The following LSM6 variants were observed in gnomAD, a reference collection of about 807,000 sequenced individuals.
The protein encoded by LSM6 is LSM6 homolog, U6 small nuclear RNA and mRNA degradation associated, also known as U6 snRNA-associated Sm-like protein LSm6.
In LSM6, 2 loss-of-function variants were observed where a neutral mutation model predicts 13.5. The observed-to-expected ratio is 0.15, with a 90% CI of 0.06 to 0.47. The LOEUF is 0.47. LSM6 is among the 20% of genes least tolerant of loss of function. The pLI is 0.97. For missense variants in LSM6, 58 were observed against 96.4 expected, an observed-to-expected ratio of 0.60 and a Z score of 1.67; for synonymous variants, 43 against 34.9, an observed-to-expected ratio of 1.23 and a Z score of -0.82.
rs1193893131 is a variant in LSM6 at position 146,187,304 on chromosome 4, A to G, written c.125A>G (p.Asn42Ser). ...CTGGCTTGCCTGGATGGCTACATGA[A>G]TATAGCCCTGGAGCAGACAGAAGAA... Reference protein sequence around the residue: ...GVLACLDGYMNIALEQTEEYV... With the variant: ...GVLACLDGYMSIALEQTEEYV... Residue 42 changes from asparagine to serine, a missense_variant, in exon 3 of 4, where the codon AAT (asparagine) becomes AGT (serine). Asn to Ser is a conservative substitution (Grantham distance 46, BLOSUM62 1). Coordinates refer to ENST00000296581, the MANE Select transcript of LSM6 (RefSeq NM_007080.3). The G allele has an allele frequency of 6.2e-7, 1 of 1,613,546 alleles. No homozygotes were observed.
intron 1 of LSM6, 110 bp from the exon 2 acceptor site, chr4:146,182,802 G>A: frequency 1.5e-6 from 1 of 671,252 alleles, no homozygotes; most frequent in Non-Finnish European, 2.7e-6. Context: ...CTTCTCGCAT[G>A]GTCCTTTGAT....
chr4:146,185,328 A>G (rs879334009), intron 2 of LSM6, among the ~76,000 whole-genome samples: 1 of 152,114 alleles, frequency 6.6e-6, no homozygotes, highest in Non-Finnish European at 1.5e-5. Context: ...TTCTTTGTTT[A>G]CTAGTGAGAT....
intron 3 of LSM6, among the ~76,000 whole-genome samples, chr4:146,189,227 A>G (rs1475001508): frequency 6.6e-6 from 1 of 152,186 alleles, no homozygotes; most frequent in Admixed American, 6.5e-5. Context: ...TTCTGAGCTC[A>G]AGTGATCCAC....
chr4:146,179,725 A>G (rs1259185347), intron 1 of LSM6, among the ~76,000 whole-genome samples: 1 of 152,212 alleles, frequency 6.6e-6, no homozygotes. Flanking sequence ...ATCAAATGCC[A>G]AACTATGTGA....
chr4:146,183,219 A>G (rs573641000), intron 2 of LSM6: 93 of 442,032 alleles, frequency 2.1e-4, no homozygotes, highest in African/African-American at 1.6e-3. Flanking sequence ...TCTGCCTTTC[A>G]GTGTGATTTG....
chr4:146,182,587 T>TAATGTAATAGTA (rs1730254613), intron 1 of LSM6, among the ~76,000 whole-genome samples: 1 of 152,124 alleles, frequency 6.6e-6, no homozygotes, highest in Non-Finnish European at 1.5e-5. Context: ...TTGTAATGGG[T>TAATGTAATAGTA]ATACTGACTA....
intron 1 of LSM6, chr4:146,181,446 G>A (rs1045675951): frequency 5.3e-5 from 8 of 152,174 alleles, no homozygotes; most frequent in African/African-American, 1.4e-4. Context: ...ACATGTACAT[G>A]TAATTTGTTG....
chr4:146,178,249 C>T (rs1730152899), intron 1 of LSM6, among the ~76,000 whole-genome samples: 1 of 152,120 alleles, frequency 6.6e-6, no homozygotes, highest in South Asian at 2.1e-4. Context: ...TTTTCCCTGT[C>T]CCCAAGAAGC....
At chr4:146,179,980 C>G (rs1032949280) in intron 1 of LSM6, among the ~76,000 whole-genome samples, 1 of 152,214 alleles carries the variant, frequency 6.6e-6, no homozygotes, top group Non-Finnish European at 1.5e-5. Context: ...CTCTGTGCTC[C>G]CTGTGAATGT....
chr4:146,183,383 G>T, intron 2 of LSM6: 1 of 203,102 alleles, frequency 4.9e-6, no homozygotes, highest in Non-Finnish European at 1.0e-5. Context: ...TTCAAGATTG[G>T]CAAGCAGCTG....
At chr4:146,179,938 T>C (rs1475626193) in intron 1 of LSM6, among the ~76,000 whole-genome samples, 1 of 152,214 alleles carries the variant, frequency 6.6e-6, no homozygotes, top group East Asian at 1.9e-4. Flanking sequence ...ATCCTAATGA[T>C]TCAAGTTTGG....
intron 1 of LSM6, chr4:146,176,764 G>A (rs186185927): frequency 9.2e-5 from 14 of 151,966 alleles, no homozygotes; most frequent in East Asian, 7.8e-4. Context: ...CCCGATTGTG[G>A]GACATTAGAT....
chr4:146,190,101 C>T lies in LSM6; in HGVS notation c.*445C>T, dbSNP rs1326168328. The T allele has an allele frequency of 6.5e-6, 1 of 153,922 alleles. No individual in the cohort carries two copies. The highest frequency in any genetic ancestry group is 2.4e-5 in the African/African-American group (1 of 41,462). The allele number at this position is 153,922 out of a possible 1,614,324, so 9.5% of individuals were successfully genotyped here. On this transcript the variant is annotated 3_prime_UTR_variant, in exon 4 of 4. Coordinates refer to ENST00000296581, the MANE Select transcript of LSM6 (RefSeq NM_007080.3). ...TACAGAATCCTTGCGTGAATATGTT[C>T]TACAAAGGCATCCAGTTTCAGTCTG... is the stretch of plus-strand genomic sequence containing the variant.
At chr4:146,188,969 A>G (rs191646509) in intron 3 of LSM6, among the ~76,000 whole-genome samples, 9 of 148,690 alleles carry the variant, frequency 6.1e-5, no homozygotes, top group Non-Finnish European at 1.3e-4. Context: ...TTACTGATTT[A>G]CTTTCTGAAA....
intron 1 of LSM6, chr4:146,181,045 GAATAGTAGTTGT>G (rs1730220749): frequency 1.3e-5 from 2 of 152,218 alleles, no homozygotes; most frequent in African/African-American, 2.4e-5. Context: ...TGGTTGTCCT[GAATAGTAGTTGT>G]AATAGTAGTT....
chr4:146,180,064 C>T (rs1394152933), intron 1 of LSM6, among the ~76,000 whole-genome samples: 1 of 152,206 alleles, frequency 6.6e-6, no homozygotes, highest in Non-Finnish European at 1.5e-5. Flanking sequence ...ACACTTGTTC[C>T]GTGCCTTTTC....
intron 3 of LSM6, among the ~76,000 whole-genome samples, chr4:146,189,286 T>C (rs1265048167): frequency 6.6e-6 from 1 of 152,166 alleles, no homozygotes; most frequent in African/African-American, 2.4e-5. Flanking sequence ...AGCCACCGTG[T>C]TCAGCCCTGA....
chr4:146,179,512 T>G (rs765828579), intron 1 of LSM6, among the ~76,000 whole-genome samples: 3 of 152,210 alleles, frequency 2.0e-5, no homozygotes, highest in Non-Finnish European at 2.9e-5. Context: ...GGATAAAATG[T>G]GTTTGAGGCA....
Position 146,191,270 on chromosome 4 carries a change from T to C in LSM6, c.*1614T>C, listed in dbSNP as rs939397024. On this transcript the variant is annotated 3_prime_UTR_variant, in exon 4 of 4. Coordinates refer to ENST00000296581, the MANE Select transcript of LSM6 (RefSeq NM_007080.3). ...GTAGAATATGTGGGGCTGCAGGTTA[T>C]TGTGTCCCTTCATTCACTTATATCA... The C allele has an allele frequency of 3.7e-4, 57 of 152,364 alleles. 2 individuals carry two copies. The highest frequency in any genetic ancestry group is 1.5e-3 in the Admixed American group (23 of 15,312). The allele number at this position is 152,364 out of a possible 1,614,324, so 9.4% of individuals were successfully genotyped here. A position where few individuals can be genotyped will look rare whatever the true frequency, so the allele number is the denominator to read the frequency against.
Sources: gnomAD v4.1 joint callset for allele counts (sites outside exome capture counted in the v4.1 genomes callset) on GRCh38, gnomAD v4.1.1 for gene constraint, MANE v1.5 for transcripts, NCBI Gene and HGNC (gene_info 2026-07-23, HGNC 2026-07-21) for gene names.